TKFC: variants seen among roughly 807,000 people sequenced by gnomAD.
TKFC encodes the protein triokinase and FMN cyclase.
Under a neutral mutation model 61.0 loss-of-function variants are expected in TKFC, and 46 were observed. The observed-to-expected ratio is 0.75, with a 90% CI of 0.60 to 0.96. TKFC has a LOEUF of 0.96. Among genes scored for constraint, TKFC ranks in the 50% least tolerant of loss-of-function variants. The pLI is 0.00. For missense variants in TKFC, 715 were observed against 777.5 expected, an observed-to-expected ratio of 0.92 and a Z score of 0.96; for synonymous variants, 314 against 330.1, an observed-to-expected ratio of 0.95 and a Z score of 0.53.
At chr11:61,334,824 A>G in intron 2 of TKFC, 93 bp downstream of exon 2, 2 of 1,582,208 alleles carry the variant, frequency 1.3e-6, no homozygotes, top group Non-Finnish European at 1.7e-6. Context: ...ACTTTGACTG[A>G]GAGATGCTAT....
chr11:61,345,164 C>G (rs1444165435), intron 13 of TKFC, 96 bp from the exon 14 acceptor site: 1 of 1,031,998 alleles, frequency 9.7e-7, no homozygotes, highest in East Asian at 2.5e-5. Flanking sequence ...ATTCCACTTC[C>G]CTGTCGGCCT....
chr11:61,341,069 G>A (rs925933509), intron 5 of TKFC, among the ~76,000 whole-genome samples: 1 of 152,072 alleles, frequency 6.6e-6, no homozygotes, highest in African/African-American at 2.4e-5. Flanking sequence ...TGGATGGATG[G>A]ATAGATGGGT....
intron 11 of TKFC, 189 bp from the exon 12 acceptor site, chr11:61,343,667 C>G: frequency 1.0e-6 from 1 of 968,536 alleles, no homozygotes; most frequent in Middle Eastern, 2.6e-4. Flanking sequence ...AGGCCTGACC[C>G]TTTCCCAGGG....
intron 2 of TKFC, among the ~76,000 whole-genome samples, chr11:61,334,955 G>C (rs1460986206): frequency 6.6e-6 from 1 of 152,170 alleles, no homozygotes; most frequent in Non-Finnish European, 1.5e-5. Context: ...GCAGCCTCTT[G>C]AGTCCCTTCA....
chr11:61,346,805 G>A lies in TKFC; in HGVS notation c.*302G>A. ...AGAGATAAGGCATTTTCCTTGTGCA[G>A]CCTTTACCTGGCAATCCTAATTTGG... On this transcript the variant is annotated 3_prime_UTR_variant, in exon 18 of 18. Coordinates refer to ENST00000394900, the MANE Select transcript of TKFC (RefSeq NM_015533.4). The surrounding 1 kb of genome is among the most constrained non-coding windows in gnomAD (Gnocchi z 4.1). 8.7e-7 allele frequency: 1 copy of A among 1,147,428 alleles called. No individual in the cohort carries two copies. Among genetic ancestry groups the A allele is most frequent in the Middle Eastern group, 3.7e-4 (1 of 2,730 alleles). 71.1% of individuals were successfully genotyped at this position (1,147,428 alleles called of 1,614,324 possible). A position where few individuals can be genotyped will look rare whatever the true frequency, so the allele number is the denominator to read the frequency against.
chr11:61,337,631 T>C (rs1856666193), intron 2 of TKFC, among the ~76,000 whole-genome samples: 1 of 152,186 alleles, frequency 6.6e-6, no homozygotes, highest in Non-Finnish European at 1.5e-5. Context: ...TGGGCCCCAG[T>C]TTTATTAAAA....
chr11:61,346,899 A>G lies in TKFC; in HGVS notation c.*396A>G. 1 of 997,060 alleles carries G rather than the reference A, an allele frequency of 1.0e-6. No individual in the cohort carries two copies. The highest frequency in any genetic ancestry group is 1.2e-6 in the Non-Finnish European group (1 of 837,378). The allele number at this position is 997,060 out of a possible 1,614,324, so 61.8% of individuals were successfully genotyped here. On this transcript the variant is annotated 3_prime_UTR_variant, in exon 18 of 18. Transcript: ENST00000394900. This position sits in a 1 kb window ranked among gnomAD's most constrained non-coding sequence, Gnocchi z 4.1. ...TGAGCGTGAAAAAGAAAGTTAATAAACTATAATACATGGAAGCAAGAAAGA... is the reference window on the plus strand; with the variant it reads ...TGAGCGTGAAAAAGAAAGTTAATAAGCTATAATACATGGAAGCAAGAAAGA...
downstream of TKFC, chr11:61,350,553 C>G (rs1857351957): frequency 8.5e-7 from 1 of 1,172,716 alleles, no homozygotes; most frequent in African/African-American, 1.5e-5. Flanking sequence ...CAGGGAAGCC[C>G]CAAAGTCCCT....
Position 61,348,695 on chromosome 11 carries a change from C to T in TKFC, c.*2192C>T, listed in dbSNP as rs1031240814. 9.3e-5 allele frequency: 16 copies of T among 172,476 alleles called. No individual in the cohort carries two copies. The highest frequency in any genetic ancestry group is 2.2e-4 in the African/African-American group (9 of 41,812). 10.7% of individuals were successfully genotyped at this position (172,476 alleles called of 1,614,324 possible). ...CCTTGCCACACACCACATTTGCCAG[C>T]GCCTTCATCTTGGATGTCTATAGCC... On this transcript the variant is annotated 3_prime_UTR_variant, in exon 18 of 18. Coordinates refer to ENST00000394900, the MANE Select transcript of TKFC (RefSeq NM_015533.4).
Position 61,346,240 on chromosome 11 carries a change from AG to A in TKFC, c.1576-108del. The A allele has an allele frequency of 6.4e-7, 1 of 1,563,922 alleles. No individual in the cohort carries two copies. Among genetic ancestry groups the A allele is most frequent in the Non-Finnish European group, 8.6e-7 (1 of 1,161,776 alleles). ...CAGAGCAGAGGGTGCTGGCAGAGCCAGGGCAAGGGCGTGCAGGGCCAGGCTG... is the reference window on the plus strand; with the variant it reads ...CAGAGCAGAGGGTGCTGGCAGAGCCAGGCAAGGGCGTGCAGGGCCAGGCTG... On this transcript the variant is annotated intron_variant, in intron 17 of 17. Coordinates refer to ENST00000394900, the MANE Select transcript of TKFC (RefSeq NM_015533.4). The surrounding 1 kb of genome is among the most constrained non-coding windows in gnomAD (Gnocchi z 4.1).
At chr11:61,349,609 A>T (rs1477955059), downstream of TKFC, 1 of 702,958 alleles carries the variant, frequency 1.4e-6, no homozygotes, top group Non-Finnish European at 2.6e-6. Context: ...AGTCACAGGG[A>T]AAGGCCGGGA....
chr11:61,348,069 G>A lies in TKFC; in HGVS notation c.*1566G>A, dbSNP rs189748699. 153 of 985,356 alleles carry A rather than the reference G, an allele frequency of 1.6e-4. 1 individual carries two copies. In the African/African-American group the frequency reaches 2.4e-3, roughly 16 times the overall value. 61.0% of individuals were successfully genotyped at this position (985,356 alleles called of 1,614,324 possible). On this transcript the variant is annotated 3_prime_UTR_variant, in exon 18 of 18. Transcript: ENST00000394900. ...TTCTCTACCCAGGGTCCTGTCTGTC[G>A]GCTGCACCATACGTCCCTGACCACA... is the stretch of plus-strand genomic sequence containing the variant.
At chr11:61,350,881 C>T, downstream of TKFC, 1 of 1,449,692 alleles carries the variant, frequency 6.9e-7, no homozygotes, top group Non-Finnish European at 9.1e-7. Flanking sequence ...TACTTGGTTT[C>T]CTGCTGTGCC....
Position 61,345,301 on chromosome 11 carries a change from C to T in TKFC, c.1282C>T (p.Pro428Ser), listed in dbSNP as rs1371902368. ...WLKEGPPPAS[P>S]AQLLSKLSVL... ...GAAGGAGGGCCCACCCCCTGCCAGCCCTGCCCAGCTGCTCTCCAAGTTGTC... is the reference window on the plus strand; with the variant it reads ...GAAGGAGGGCCCACCCCCTGCCAGCTCTGCCCAGCTGCTCTCCAAGTTGTC... The change falls in exon 14 of 18, where the codon CCT (proline) becomes TCT (serine). Residue 428 changes from proline (P) to serine (S), a missense_variant. By Grantham distance (74) the Pro-to-Ser change is moderately conservative. Coordinates refer to ENST00000394900, the MANE Select transcript of TKFC (RefSeq NM_015533.4). 2 of 1,601,366 alleles carry T rather than the reference C, an allele frequency of 1.2e-6. No individual in the cohort carries two copies. Among genetic ancestry groups the T allele is most frequent in the Non-Finnish European group, 1.7e-6 (2 of 1,171,824 alleles).
At chr11:61,335,106 G>A (rs1227607273) in intron 2 of TKFC, among the ~76,000 whole-genome samples, 4 of 152,222 alleles carry the variant, frequency 2.6e-5, no homozygotes, top group African/African-American at 9.6e-5. Context: ...GGGCTTATGT[G>A]GGCCGGTCTG....
chr11:61,341,179 C>A (rs180972952), intron 5 of TKFC, among the ~76,000 whole-genome samples: 2 of 152,118 alleles, frequency 1.3e-5, no homozygotes, highest in Non-Finnish European at 2.9e-5. Flanking sequence ...GACAAGTCAC[C>A]GCCCCTCTCT....
At chr11:61,344,413 G>C in intron 13 of TKFC, 140 bp downstream of exon 13, 1 of 1,208,314 alleles carries the variant, frequency 8.3e-7, no homozygotes, top group African/African-American at 1.6e-5. Context: ...CTAGGCTGGA[G>C]TATGCAATGG....
At chr11:61,345,648 C>T in intron 15 of TKFC, 64 bp from the exon 16 acceptor site, 1 of 1,613,724 alleles carries the variant, frequency 6.2e-7, no homozygotes, top group Non-Finnish European at 8.5e-7. Flanking sequence ...GGCCCTAGCC[C>T]AACCCTCAGA....
chr11:61,347,887 C>T lies in TKFC; in HGVS notation c.*1384C>T, dbSNP rs1289952469. The T allele has an allele frequency of 4.1e-6, 4 of 984,848 alleles. No homozygotes were observed. The highest frequency in any genetic ancestry group is 3.5e-5 in the African/African-American group (2 of 57,232). 61.0% of individuals were successfully genotyped at this position (984,848 alleles called of 1,614,324 possible). ...TAAAGCCCAGCACAGTCCAAGTGCT[C>T]ACTCACTGAGAGTTACGGTTATCAC... On this transcript the variant is annotated 3_prime_UTR_variant, in exon 18 of 18. Coordinates refer to ENST00000394900, the MANE Select transcript of TKFC (RefSeq NM_015533.4).
Sources: allele counts gnomAD v4.1 joint callset (sites outside exome capture counted in the v4.1 genomes callset), GRCh38; gene constraint gnomAD v4.1.1; non-coding constraint Gnocchi (gnomAD v3.1); transcripts MANE v1.5; gene names NCBI Gene and HGNC (gene_info 2026-07-23, HGNC 2026-07-21).